Variants in RAI14 observed in about 807,000 individuals in gnomAD.
RAI14 encodes the protein retinoic acid induced 14.
RAI14 carries 45 observed loss-of-function variants against 115.4 expected under a neutral mutation model. The ratio of observed to expected loss-of-function variants is 0.39; its 90% CI spans 0.31 to 0.50. The LOEUF is 0.50. Ranked by LOEUF, RAI14 falls within the 20% of genes least tolerant of loss-of-function variation. The pLI, the probability that RAI14 is intolerant of heterozygous loss-of-function variation, is 0.85. For missense variants in RAI14, 939 were observed against 1,131.2 expected, an observed-to-expected ratio of 0.83 and a Z score of 2.44; for synonymous variants, 371 against 415.4, an observed-to-expected ratio of 0.89 and a Z score of 1.30.
intron 2 of RAI14, among the ~76,000 whole-genome samples, chr5:34,735,318 G>A (rs1392336892): frequency 6.6e-6 from 1 of 152,152 alleles, no homozygotes; most frequent in Non-Finnish European, 1.5e-5. Flanking sequence ...ATATGCAAAA[G>A]TTTTGTAAAG....
chr5:34,715,289 C>G (rs1201593996), intron 2 of RAI14, among the ~76,000 whole-genome samples: 1 of 152,002 alleles, frequency 6.6e-6, no homozygotes, highest in Admixed American at 6.6e-5. Flanking sequence ...TCATGGCACT[C>G]GTGGGGGAGT....
At chr5:34,719,598 A>T (rs1391759751) in intron 2 of RAI14, among the ~76,000 whole-genome samples, 1 of 152,200 alleles carries the variant, frequency 6.6e-6, no homozygotes, top group Non-Finnish European at 1.5e-5. Flanking sequence ...TCCCTGAGTT[A>T]CCGTGGTTGC....
Position 34,774,320 on chromosome 5 carries a change from G to A in RAI14, c.167+16722G>A, listed in dbSNP as rs527558521. 2.0e-4 allele frequency among the ~76,000 whole-genome samples: 31 copies of A among 152,126 alleles called. 1 individual carries two copies. The highest frequency in any genetic ancestry group is 1.9e-3 in the Admixed American group (29 of 15,254). On this transcript the variant is annotated intron_variant, in intron 3 of 17. Transcript: ENST00000265109. The stretch of plus-strand genomic sequence containing the variant: ...CGAGAGGCAGAGGTTGCAGTGAGCC[G>A]AGATTGCACCATTGCCCTCTAGCCT...
chr5:34,728,202 A>G (rs1743722543), intron 2 of RAI14, among the ~76,000 whole-genome samples: 1 of 152,196 alleles, frequency 6.6e-6, no homozygotes, highest in Admixed American at 6.5e-5. Context: ...TCTAGGAAGT[A>G]ACCAACTTAC....
At chr5:34,811,410 G>A (rs1755565880) in intron 8 of RAI14, among the ~76,000 whole-genome samples, 1 of 152,010 alleles carries the variant, frequency 6.6e-6, no homozygotes, top group South Asian at 2.1e-4. Flanking sequence ...AAACCTATTG[G>A]TTGTTTTGGA....
intron 3 of RAI14, among the ~76,000 whole-genome samples, chr5:34,759,916 G>A (rs164319): frequency 0.46 from 69,361 of 151,948 alleles, 18,617 homozygotes; most frequent in African/African-American, 0.76. Context: ...CACAGTGAGC[G>A]CTTGATAAAG....
intron 1 of RAI14, among the ~76,000 whole-genome samples, chr5:34,658,216 A>C (rs920393802): frequency 1.3e-5 from 2 of 152,196 alleles, no homozygotes; most frequent in Non-Finnish European, 2.9e-5. Context: ...TTGAAGAGAC[A>C]GAAAGGATGC....
chr5:34,753,152 G>C (rs1446697113), intron 2 of RAI14, among the ~76,000 whole-genome samples: 1 of 152,132 alleles, frequency 6.6e-6, no homozygotes. Flanking sequence ...CCTATGGAGG[G>C]CATGCTAGTT....
chr5:34,699,930 A>T (rs564245237), intron 2 of RAI14, among the ~76,000 whole-genome samples: 1 of 152,150 alleles, frequency 6.6e-6, no homozygotes, highest in East Asian at 1.9e-4. Context: ...CTTCAGTGAC[A>T]GGGACGCCTA....
chr5:34,770,974 A>T (rs1223777648), intron 3 of RAI14, among the ~76,000 whole-genome samples: 1 of 152,202 alleles, frequency 6.6e-6, no homozygotes, highest in Non-Finnish European at 1.5e-5. Context: ...CAGAACTGAG[A>T]TGCTGAGGCT....
chr5:34,711,192 C>CA (rs1270923027), intron 2 of RAI14, among the ~76,000 whole-genome samples: 2 of 152,210 alleles, frequency 1.3e-5, no homozygotes, highest in African/African-American at 4.8e-5. Flanking sequence ...CTATTTATTT[C>CA]ACCTGGGTGC....
At chr5:34,717,669 C>T (rs909993035) in intron 2 of RAI14, among the ~76,000 whole-genome samples, 3 of 152,138 alleles carry the variant, frequency 2.0e-5, no homozygotes, top group African/African-American at 7.2e-5. Flanking sequence ...GAGTGCAAAT[C>T]CCAGTCACCC....
At chr5:34,737,772 A>G (rs1022983367) in intron 2 of RAI14, among the ~76,000 whole-genome samples, 1 of 152,142 alleles carries the variant, frequency 6.6e-6, no homozygotes, top group Non-Finnish European at 1.5e-5. Context: ...AACAAAAAAC[A>G]AAACCAAAAA....
At chr5:34,807,591 G>A (rs1429763678) in intron 5 of RAI14, among the ~76,000 whole-genome samples, 2 of 152,084 alleles carry the variant, frequency 1.3e-5, no homozygotes, top group African/African-American at 4.8e-5. Context: ...GATAGGTGAA[G>A]CAGCAAAGAG....
intron 10 of RAI14, 39 bp from the exon 11 acceptor site, chr5:34,813,535 C>G: frequency 1.3e-6 from 2 of 1,501,458 alleles, no homozygotes; most frequent in South Asian, 1.2e-5. Context: ...ACTAACCAAA[C>G]TAACCCACCT....
chr5:34,763,188 G>A (rs1000861072), intron 3 of RAI14, among the ~76,000 whole-genome samples: 16 of 152,114 alleles, frequency 1.1e-4, no homozygotes, highest in Non-Finnish European at 1.9e-4. Context: ...TCTCAGTATA[G>A]GGATGTATTA....
chr5:34,757,792 G>A, intron 3 of RAI14, 194 bp downstream of exon 3: 1 of 555,580 alleles, frequency 1.8e-6, no homozygotes, highest in Non-Finnish European at 2.7e-6. Context: ...CCTTGAATGG[G>A]TATACATGTT....
At chr5:34,760,282 C>T (rs1316478742) in intron 3 of RAI14, among the ~76,000 whole-genome samples, 1 of 152,124 alleles carries the variant, frequency 6.6e-6, no homozygotes, top group African/African-American at 2.4e-5. Flanking sequence ...CTCCTGACCT[C>T]GTGATCTGCC....
chr5:34,680,875 G>A (rs536425088), intron 1 of RAI14, among the ~76,000 whole-genome samples: 4 of 152,236 alleles, frequency 2.6e-5, no homozygotes, highest in African/African-American at 9.6e-5. Flanking sequence ...CAGTTAGTTT[G>A]GAGTCCTCTG....
Sources: allele counts gnomAD v4.1 joint callset (sites outside exome capture counted in the v4.1 genomes callset), GRCh38; gene constraint gnomAD v4.1.1; transcripts MANE v1.5; gene names NCBI Gene and HGNC (gene_info 2026-07-23, HGNC 2026-07-21).